Variants in ZNF91 observed in about 807,000 individuals in gnomAD.
The protein encoded by ZNF91 is zinc finger protein 91, also known as zinc finger protein 91 (HPF7, HTF10).
ZNF91 carries 7 observed loss-of-function variants against 12.6 expected under a neutral mutation model. That is an observed-to-expected ratio of 0.55 (90% CI 0.31 to 1.04). ZNF91 has a LOEUF of 1.04. ZNF91 is among the 50% of genes least tolerant of loss of function. ZNF91 has a pLI of 0.05. For missense variants in ZNF91, 1,217 were observed against 1,385.4 expected (o/e 0.88, Z 1.93); for synonymous variants, 453 against 462.6 (o/e 0.98, Z 0.27).
chr19:23,381,179 A>C (rs552030028), intron 1 of ZNF91, among the ~76,000 whole-genome samples: 3 of 152,194 alleles, frequency 2.0e-5, no homozygotes, highest in African/African-American at 7.2e-5. Context: ...CTCATAATGT[A>C]TGTAGGATTT....
At chr19:23,307,782 G>A (rs1270888312) in intron 2 of ZNF91, 1 of 152,224 alleles carries the variant, frequency 6.6e-6, no homozygotes, top group Non-Finnish European at 1.5e-5. Context: ...AGCAGGTATG[G>A]TGACACATTG....
downstream of ZNF91, among the ~76,000 whole-genome samples, chr19:23,334,280 G>A (rs1967969019): frequency 1.3e-5 from 2 of 152,038 alleles, no homozygotes; most frequent in African/African-American, 4.8e-5. Context: ...AGAGATACTG[G>A]CCTTAGGAAA....
At chr19:23,355,711 A>T (rs1374381557), downstream of ZNF91, among the ~76,000 whole-genome samples, 1 of 152,138 alleles carries the variant, frequency 6.6e-6, no homozygotes, top group Non-Finnish European at 1.5e-5. Flanking sequence ...ACATCTGACA[A>T]TGGATTAGTA....
rs59288286 is a variant in ZNF91, at chr19:23,365,297, CAAA to C, written c.254-2575_254-2573del. ...GTTCATCACCACTAGCACAGTTCTA[CAAA>C]AAAAAAAAAAAATGCTACATGGTGT... On this transcript the variant is annotated intron_variant, in intron 3 of 3. Coordinates refer to ENST00000300619, the MANE Select transcript of ZNF91 (RefSeq NM_003430.4). Among the ~76,000 whole-genome samples the C allele has an allele frequency of 2.1e-4, 29 of 136,076 alleles. 1 individual carries two copies. The highest frequency in any genetic ancestry group is 4.6e-4 in the South Asian group (2 of 4,304). The allele number at this position is 136,076 out of a possible 152,430, so 89.3% of individuals were successfully genotyped here.
chr19:23,390,144 C>T (rs1381969354), intron 1 of ZNF91, among the ~76,000 whole-genome samples: 1 of 152,142 alleles, frequency 6.6e-6, no homozygotes, highest in East Asian at 1.9e-4. Context: ...TGGAGAAACT[C>T]TGTCTCTAGT....
rs1404024851 is a variant in ZNF91 at position 23,358,037 on chromosome 19, G to A, written c.*1366C>T. The A allele has an allele frequency of 6.6e-6, 1 of 151,696 alleles. No individual in the cohort carries two copies. The highest frequency in any genetic ancestry group is 1.5e-5 in the Non-Finnish European group (1 of 67,876). 9.4% of individuals were successfully genotyped at this position (151,696 alleles called of 1,614,324 possible). A position where few individuals can be genotyped will look rare whatever the true frequency, so the allele number is the denominator to read the frequency against. On this transcript the variant is annotated 3_prime_UTR_variant, in exon 4 of 4. Coordinates refer to ENST00000300619, the MANE Select transcript of ZNF91 (RefSeq NM_003430.4). ...AACTTAATGGCAATTAAAACTCACTGGCAAAAAAAATCACTAGAGATGTCA... is the reference window on the plus strand; with the variant it reads ...AACTTAATGGCAATTAAAACTCACTAGCAAAAAAAATCACTAGAGATGTCA...
intron 1 of ZNF91, among the ~76,000 whole-genome samples, chr19:23,310,228 C>T (rs1360286235): frequency 6.6e-6 from 1 of 152,132 alleles, no homozygotes; most frequent in Non-Finnish European, 1.5e-5. Flanking sequence ...TGGCCCTGAA[C>T]AAAGGTAAGA....
intron 1 of ZNF91, among the ~76,000 whole-genome samples, chr19:23,332,457 C>T (rs1013512083): frequency 3.6e-4 from 54 of 152,080 alleles, no homozygotes; most frequent in African/African-American, 1.2e-3. Flanking sequence ...AGGCAGCCAG[C>T]TATTAGAACT....
At chr19:23,351,798 A>G (rs1248741628) in intron 3 of ZNF91, among the ~76,000 whole-genome samples, 5 of 152,170 alleles carry the variant, frequency 3.3e-5, no homozygotes, top group Admixed American at 3.3e-4. Context: ...AAATACTGTG[A>G]GTGCCCCAAC....
intron 3 of ZNF91, among the ~76,000 whole-genome samples, chr19:23,372,001 C>T (rs1451248477): frequency 6.6e-6 from 1 of 150,688 alleles, no homozygotes; most frequent in African/African-American, 2.5e-5. Flanking sequence ...ATGTATAAAA[C>T]AAATATTTGA....
chr19:23,369,164 C>G (rs1329938525), intron 3 of ZNF91, among the ~76,000 whole-genome samples: 5 of 151,952 alleles, frequency 3.3e-5, no homozygotes, highest in East Asian at 3.9e-4. Context: ...ACAAAAATTA[C>G]CCAGGTGTGG....
intron 1 of ZNF91, among the ~76,000 whole-genome samples, chr19:23,318,743 A>T (rs1967622494): frequency 2.0e-5 from 3 of 152,030 alleles, no homozygotes. Context: ...GGTAGAGTGA[A>T]TTATCCCTAA....
intron 3 of ZNF91, among the ~76,000 whole-genome samples, chr19:23,341,397 G>A (rs968867807): frequency 3.3e-5 from 5 of 152,036 alleles, no homozygotes; most frequent in Non-Finnish European, 5.9e-5. Context: ...TCTACCCAAA[G>A]AAAAATAGTT....
chr19:23,334,259 T>C (rs1967968591), downstream of ZNF91, among the ~76,000 whole-genome samples: 1 of 152,000 alleles, frequency 6.6e-6, no homozygotes. Context: ...TTGTGTAGAG[T>C]TGGCATGATG....
At chr19:23,311,232 A>G (rs1442171155), upstream of ZNF91, among the ~76,000 whole-genome samples, 3 of 151,732 alleles carry the variant, frequency 2.0e-5, no homozygotes, top group African/African-American at 7.3e-5. Context: ...AACATCTTGG[A>G]CTCTGACCAA....
At position 23,361,373 on chromosome 19, in the gene ZNF91, G is replaced by A. The variant is rs552409258; in HGVS notation, c.1606C>T (p.His536Tyr). The change falls in exon 4 of 4, where the codon CAT becomes TAT. Residue 536 changes from histidine (H) to tyrosine (Y), a missense_variant. His to Tyr is a moderately conservative substitution (Grantham distance 83, BLOSUM62 2). Around this residue, in one of 2 missense-constraint regions of ZNF91, gnomAD observed 726 missense variants for 895.5 expected, o/e 0.81. Coordinates refer to ENST00000300619, the MANE Select transcript of ZNF91 (RefSeq NM_003430.4). ...AFRQSLTLNK[H>Y]KIIHSREKPY... The stretch of plus-strand genomic sequence containing the variant: ...TTCTCTCTACTATGAATTATCTTAT[G>A]TTTATTAAGGGTTAAGGATTGTCTA... The A allele has an allele frequency of 5.6e-6, 9 of 1,613,538 alleles. No homozygotes were observed. In the African/African-American group the frequency reaches 6.7e-5, roughly 12 times the overall value.
intron 1 of ZNF91, among the ~76,000 whole-genome samples, chr19:23,331,621 C>CT (rs1215071965): frequency 6.6e-6 from 1 of 152,088 alleles, no homozygotes; most frequent in African/African-American, 2.4e-5. Flanking sequence ...ATGGATTTGG[C>CT]TTTTTTTAAG....
intron 3 of ZNF91, among the ~76,000 whole-genome samples, chr19:23,371,148 C>G (rs367974306): frequency 1.3e-5 from 2 of 152,042 alleles, no homozygotes; most frequent in Non-Finnish European, 2.9e-5. Flanking sequence ...CAAGACCAGC[C>G]TAACCAACAT....
intron 3 of ZNF91, among the ~76,000 whole-genome samples, chr19:23,364,788 C>A (rs1568388749): frequency 1.3e-5 from 2 of 151,902 alleles, no homozygotes; most frequent in African/African-American, 4.8e-5. Flanking sequence ...AACAAATATA[C>A]AAGTTATAAA....
Sources: allele counts gnomAD v4.1 joint callset (sites outside exome capture counted in the v4.1 genomes callset), GRCh38; gene constraint gnomAD v4.1.1; regional missense constraint gnomAD v4.1.1; transcripts MANE v1.5; gene names NCBI Gene and HGNC (gene_info 2026-07-23, HGNC 2026-07-21).